RBPJ: variants seen among roughly 807,000 people sequenced by gnomAD.
RBPJ encodes the protein recombining binding protein suppressor of hairless.
In RBPJ, 9 loss-of-function variants were observed where a neutral mutation model predicts 67.8. The ratio of observed to expected loss-of-function variants is 0.13; its 90% CI spans 0.08 to 0.23. The LOEUF (loss-of-function observed/expected upper bound fraction) is 0.23. RBPJ is among the 10% of genes least tolerant of loss of function. RBPJ has a pLI of 1.00. For missense variants in RBPJ, 305 were observed against 595.6 expected (o/e 0.51, Z 5.08); for synonymous variants, 198 against 203.3 (o/e 0.97, Z 0.22).
intron 1 of RBPJ, among the ~76,000 whole-genome samples, chr4:26,325,107 T>A (rs1723484842): frequency 6.6e-6 from 1 of 152,184 alleles, no homozygotes; most frequent in Non-Finnish European, 1.5e-5. Flanking sequence ...CATATTCCGT[T>A]TGGTTCCCAA....
intron 1 of RBPJ, among the ~76,000 whole-genome samples, chr4:26,310,861 G>A (rs1722408220): frequency 6.6e-6 from 1 of 151,878 alleles, no homozygotes; most frequent in South Asian, 2.1e-4. Flanking sequence ...GTAGAGACAG[G>A]GTTTCCCCAT....
the RBPJ span, among the ~76,000 whole-genome samples, chr4:26,138,512 G>T: frequency 2.0e-5 from 3 of 152,204 alleles, no homozygotes; most frequent in Non-Finnish European, 4.4e-5. Flanking sequence ...AAGTTCCAGG[G>T]TTACCTGGGG....
intron 3 of RBPJ, among the ~76,000 whole-genome samples, chr4:26,406,797 A>AG (rs1733464699): frequency 6.6e-6 from 1 of 152,268 alleles, no homozygotes; most frequent in South Asian, 2.1e-4. Flanking sequence ...CAAATAAGGA[A>AG]GGGGCATAAG....
the RBPJ span, among the ~76,000 whole-genome samples, chr4:26,117,893 T>A: frequency 6.6e-6 from 1 of 152,128 alleles, no homozygotes; most frequent in Non-Finnish European, 1.5e-5. Context: ...TGGCAGTGAT[T>A]TAAAAGTACA....
At chr4:26,230,637 C>T (rs1719245603) in intron 1 of RBPJ, among the ~76,000 whole-genome samples, 1 of 152,188 alleles carries the variant, frequency 6.6e-6, no homozygotes, top group Non-Finnish European at 1.5e-5. Flanking sequence ...CACATAGTTG[C>T]TTGTGTTATA....
At chr4:26,405,477 T>C (rs149191058) in intron 2 of RBPJ, among the ~76,000 whole-genome samples, 16 of 152,326 alleles carry the variant, frequency 1.1e-4, no homozygotes, top group Middle Eastern at 6.8e-3. Flanking sequence ...ACATTTAAGA[T>C]ATTGAACTTT....
At chr4:26,230,076 G>A (rs1465111888) in intron 1 of RBPJ, among the ~76,000 whole-genome samples, 1 of 151,928 alleles carries the variant, frequency 6.6e-6, no homozygotes, top group Admixed American at 6.6e-5. Flanking sequence ...TATAATCTCA[G>A]CTACTTGGGA....
At chr4:26,389,966 G>T (rs532507750) in intron 2 of RBPJ, among the ~76,000 whole-genome samples, 1 of 152,084 alleles carries the variant, frequency 6.6e-6, no homozygotes, top group Non-Finnish European at 1.5e-5. Flanking sequence ...ACCCTGTTGC[G>T]AAAAGTAGGC....
intron 1 of RBPJ, among the ~76,000 whole-genome samples, chr4:26,199,271 C>T (rs1175311604): frequency 1.3e-5 from 2 of 152,148 alleles, no homozygotes; most frequent in Admixed American, 6.6e-5. Flanking sequence ...TGGTGAAACC[C>T]CATCTCTACT....
the RBPJ span, among the ~76,000 whole-genome samples, chr4:26,157,662 C>T: frequency 1.1e-4 from 16 of 152,266 alleles, no homozygotes; most frequent in East Asian, 2.3e-3. Context: ...GATTTCAACT[C>T]TTCTCCCATT....
At chr4:26,179,294 GTT>G (rs199696197) in intron 1 of RBPJ, among the ~76,000 whole-genome samples, 8 of 137,022 alleles carry the variant, frequency 5.8e-5, no homozygotes, top group East Asian at 2.2e-4. Flanking sequence ...TGATTACTGT[GTT>G]TTTTTTTTTT....
intron 1 of RBPJ, among the ~76,000 whole-genome samples, chr4:26,341,971 C>T (rs530329986): frequency 6.6e-6 from 1 of 152,150 alleles, no homozygotes. Flanking sequence ...GGACATAGTG[C>T]AAAACTAGGC....
intron 1 of RBPJ, among the ~76,000 whole-genome samples, chr4:26,189,087 C>T (rs1717382996): frequency 6.6e-6 from 1 of 152,082 alleles, no homozygotes; most frequent in Non-Finnish European, 1.5e-5. Flanking sequence ...GCAAAGGGCT[C>T]ACATCTGTAA....
the RBPJ span, among the ~76,000 whole-genome samples, chr4:26,152,969 C>CTGGGATTTGGGATGTTT: frequency 6.6e-3 from 1,010 of 152,280 alleles, 16 homozygotes; most frequent in African/African-American, 0.022. Context: ...TCCAAAGTGT[C>CTGGGATTTGGGATGTTT]TGGGATTTTG....
intron 1 of RBPJ, among the ~76,000 whole-genome samples, chr4:26,296,399 G>A (rs963282397): frequency 1.3e-5 from 2 of 152,136 alleles, no homozygotes; most frequent in African/African-American, 4.8e-5. Flanking sequence ...ACAGCAGAAT[G>A]TGGCTTTATG....
At chr4:26,278,907 A>G (rs1721167071) in intron 1 of RBPJ, among the ~76,000 whole-genome samples, 1 of 152,192 alleles carries the variant, frequency 6.6e-6, no homozygotes, top group Non-Finnish European at 1.5e-5. Context: ...GGATGGATAT[A>G]TAAGGTTCTA....
chr4:26,182,090 C>G (rs1481629434), intron 1 of RBPJ, among the ~76,000 whole-genome samples: 2 of 152,230 alleles, frequency 1.3e-5, no homozygotes, highest in Non-Finnish European at 2.9e-5. Context: ...CGCCTGTAAT[C>G]CCAGCACTTT....
intron 1 of RBPJ, among the ~76,000 whole-genome samples, chr4:26,327,406 T>A (rs1475771974): frequency 1.3e-5 from 2 of 152,142 alleles, no homozygotes; most frequent in Non-Finnish European, 2.9e-5. Flanking sequence ...ATATTTATAC[T>A]ATTTTAAGTT....
intron 1 of RBPJ, among the ~76,000 whole-genome samples, chr4:26,271,875 G>A (rs1337814380): frequency 6.6e-6 from 1 of 152,162 alleles, no homozygotes; most frequent in Non-Finnish European, 1.5e-5. Context: ...GCATGCACAC[G>A]TGTGAGCAAC....
Sources: allele counts gnomAD v4.1 joint callset (sites outside exome capture counted in the v4.1 genomes callset), GRCh38; gene constraint gnomAD v4.1.1; transcripts MANE v1.5; gene names NCBI Gene and HGNC (gene_info 2026-07-23, HGNC 2026-07-21).